VPS8: variants seen among roughly 807,000 people sequenced by gnomAD.
VPS8 encodes the protein VPS8 subunit of CORVET complex.
Under a neutral mutation model 216.4 loss-of-function variants are expected in VPS8, and 129 were observed. The ratio of observed to expected loss-of-function variants is 0.60; its 90% CI spans 0.52 to 0.69. The LOEUF is 0.69. VPS8 is among the 30% of genes least tolerant of loss of function. The pLI is 0.00. For missense variants in VPS8, 1,531 were observed against 1,683.5 expected (o/e 0.91, Z 1.59); for synonymous variants, 571 against 565.4 (o/e 1.01, Z -0.14).
At chr3:184,894,258 T>TC (rs1011692228) in intron 22 of VPS8, among the ~76,000 whole-genome samples, 3 of 152,010 alleles carry the variant, frequency 2.0e-5, no homozygotes, top group Non-Finnish European at 2.9e-5. Context: ...TCATGAGTAG[T>TC]CCTTTTGTTT....
intron 34 of VPS8, 84 bp from the exon 35 acceptor site, chr3:184,936,162 A>T (rs1333383440): frequency 4.4e-6 from 5 of 1,145,034 alleles, no homozygotes; most frequent in Non-Finnish European, 6.4e-6. Context: ...GACTGTATTG[A>T]GGTAGGTAAT....
In VPS8 at chr3:184,930,574, G is replaced by A. The variant is rs780498251; in HGVS notation, c.2898+6G>A. 8.1e-6 allele frequency: 13 copies of A among 1,606,496 alleles called. No individual in the cohort carries two copies. The highest frequency in any genetic ancestry group is 1.1e-5 in the Non-Finnish European group (13 of 1,173,348). On this transcript the variant is annotated splice_donor_region_variant and intron_variant, in intron 34 of 47. Coordinates refer to ENST00000625842, the MANE Select transcript of VPS8 (RefSeq NM_001009921.3). ...AAGCAATGGATCATATTGAGGTACT[G>A]ATGCGCAAAACTTCACACTTCACCA... is the stretch of plus-strand genomic sequence containing the variant.
At chr3:184,942,695 CT>C (rs1379015876) in intron 36 of VPS8, among the ~76,000 whole-genome samples, 2 of 152,280 alleles carry the variant, frequency 1.3e-5, no homozygotes, top group Admixed American at 1.3e-4. Flanking sequence ...TATCCTCTTA[CT>C]TTATGTCTTC....
At chr3:184,959,393 A>G (rs754678529) in intron 37 of VPS8, among the ~76,000 whole-genome samples, 5 of 152,212 alleles carry the variant, frequency 3.3e-5, no homozygotes, top group Non-Finnish European at 5.9e-5. Flanking sequence ...TCATGAAAAT[A>G]ACTATATTGC....
chr3:184,930,462 C>T lies in VPS8; in HGVS notation c.2800-8C>T. The stretch of plus-strand genomic sequence containing the variant: ...AATGAATAAATTATATTGTCTTGTG[C>T]TCTTCAGGAAGAAGTCTTTAATTAC... On this transcript the variant is annotated splice_polypyrimidine_tract_variant and splice_region_variant and intron_variant, in intron 33 of 47. Transcript: ENST00000625842. 1 of 1,595,012 alleles carries T rather than the reference C, an allele frequency of 6.3e-7. No individual in the cohort carries two copies. The highest frequency in any genetic ancestry group is 1.7e-5 in the Admixed American group (1 of 59,932).
chr3:185,021,831 A>G (rs112483587), intron 45 of VPS8, among the ~76,000 whole-genome samples: 366 of 152,312 alleles, frequency 2.4e-3, no homozygotes, highest in Middle Eastern at 0.017. Context: ...CCTATAGTAT[A>G]TATCATCTGT....
At chr3:184,893,289 T>C in intron 22 of VPS8, 4 of 1,288,190 alleles carry the variant, frequency 3.1e-6, no homozygotes, top group Non-Finnish European at 3.0e-6. Flanking sequence ...CCTTGATGTT[T>C]TTGTGGAACT....
At chr3:184,915,496 A>G (rs1737391523) in intron 28 of VPS8, 22 bp downstream of exon 28, 1 of 1,608,692 alleles carries the variant, frequency 6.2e-7, no homozygotes. Context: ...TATTATTTTA[A>G]GGTGTTTTCA....
At chr3:185,044,677 G>C (rs914256832) in intron 46 of VPS8, among the ~76,000 whole-genome samples, 42 of 152,046 alleles carry the variant, frequency 2.8e-4, no homozygotes, top group African/African-American at 9.9e-4. Context: ...CCTTAGAACT[G>C]CTCATTCTAG....
intron 36 of VPS8, chr3:184,944,652 C>G: frequency 1.1e-6 from 1 of 933,006 alleles, no homozygotes; most frequent in Non-Finnish European, 1.3e-6. Context: ...GTTGATTTAG[C>G]CTTTGTTAAC....
Position 184,878,710 on chromosome 3 carries a change from A to G in VPS8, c.1735-7400A>G, listed in dbSNP as rs566594849. 3.2e-4 allele frequency among the ~76,000 whole-genome samples: 49 copies of G among 152,290 alleles called. 1 individual carries two copies. Among genetic ancestry groups the G allele is most frequent in the African/African-American group, 1.2e-3 (48 of 41,560 alleles). On this transcript the variant is annotated intron_variant, in intron 21 of 47. Transcript: ENST00000625842. ...AGGCTTGATTAAAGTGCTGGTTCTG[A>G]GGAGTCAGGTCTTTCCTAGATTATT... is the stretch of plus-strand genomic sequence containing the variant.
At chr3:184,910,951 G>T (rs1281062848) in intron 25 of VPS8, among the ~76,000 whole-genome samples, 1 of 152,170 alleles carries the variant, frequency 6.6e-6, no homozygotes, top group African/African-American at 2.4e-5. Context: ...CTGTAAGGGT[G>T]GGGGTGAATG....
chr3:184,847,503 A>T (rs1033996652), intron 8 of VPS8, among the ~76,000 whole-genome samples: 2 of 152,220 alleles, frequency 1.3e-5, no homozygotes, highest in African/African-American at 4.8e-5. Context: ...TAGCCCTCAG[A>T]GAGGTCATAG....
intron 35 of VPS8, among the ~76,000 whole-genome samples, chr3:184,939,135 C>T (rs2109311851): frequency 6.6e-6 from 1 of 151,848 alleles, no homozygotes; most frequent in South Asian, 2.1e-4. Context: ...GCAAGAATCC[C>T]ACATAGATCT....
intron 39 of VPS8, among the ~76,000 whole-genome samples, chr3:184,971,218 A>C (rs1039033753): frequency 5.9e-5 from 9 of 152,220 alleles, no homozygotes; most frequent in African/African-American, 1.9e-4. Context: ...AAGATATGAG[A>C]GTTGAAACAA....
At chr3:184,814,309 C>T (rs1304462961) in intron 1 of VPS8, among the ~76,000 whole-genome samples, 1 of 152,198 alleles carries the variant, frequency 6.6e-6, no homozygotes, top group Non-Finnish European at 1.5e-5. Flanking sequence ...CCAGTAACCC[C>T]CAGTTCCCTA....
intron 39 of VPS8, among the ~76,000 whole-genome samples, chr3:184,970,336 A>G (rs1175343678): frequency 6.6e-6 from 1 of 152,200 alleles, no homozygotes; most frequent in Non-Finnish European, 1.5e-5. Context: ...CCACTGCACA[A>G]AGAACGTTAG....
At chr3:184,859,919 A>C in intron 14 of VPS8, 66 bp from the exon 15 acceptor site, 1 of 1,230,976 alleles carries the variant, frequency 8.1e-7, no homozygotes. Context: ...GTGGAGTATA[A>C]TTAAATATCT....
At chr3:184,941,615 G>C (rs1576920615) in intron 36 of VPS8, among the ~76,000 whole-genome samples, 1 of 151,912 alleles carries the variant, frequency 6.6e-6, no homozygotes, top group Non-Finnish European at 1.5e-5. Flanking sequence ...AGAGGATGGA[G>C]CTCAGGGGAG....
Sources: allele counts gnomAD v4.1 joint callset (sites outside exome capture counted in the v4.1 genomes callset), GRCh38; gene constraint gnomAD v4.1.1; transcripts MANE v1.5; gene names NCBI Gene and HGNC (gene_info 2026-07-23, HGNC 2026-07-21).